DPF3: variants seen among roughly 807,000 people sequenced by gnomAD.
The protein encoded by DPF3 is double PHD fingers 3, also known as zinc finger protein DPF3.
Under a neutral mutation model 56.8 loss-of-function variants are expected in DPF3, and 18 were observed. The ratio of observed to expected loss-of-function variants is 0.32; its 90% CI spans 0.22 to 0.47. The LOEUF (loss-of-function observed/expected upper bound fraction) is 0.47, where lower values mean the gene tolerates loss of function less well. Among genes scored for constraint, DPF3 ranks in the 20% least tolerant of loss-of-function variants. The pLI is 1.00. For missense variants in DPF3, 403 were observed against 488.8 expected (o/e 0.82, Z 1.65); for synonymous variants, 188 against 180.2 (o/e 1.04, Z -0.35).
chr14:72,810,045 G>C (rs1265697561), intron 1 of DPF3, among the ~76,000 whole-genome samples: 1 of 152,224 alleles, frequency 6.6e-6, no homozygotes, highest in Admixed American at 6.5e-5. Context: ...ATCTATAAGA[G>C]AAGATCCCCT....
intron 1 of DPF3, among the ~76,000 whole-genome samples, chr14:72,861,026 TACACACACACACACACACACACACAC>T (rs10570653): frequency 6.8e-6 from 1 of 147,864 alleles, no homozygotes; most frequent in African/African-American, 2.5e-5. Flanking sequence ...GTTCTCACTA[TACACACACACACACACACACACACAC>T]ACACACACAC....
At chr14:72,717,218 A>G (rs182077909) in intron 5 of DPF3, among the ~76,000 whole-genome samples, 50 of 152,322 alleles carry the variant, frequency 3.3e-4, no homozygotes, top group Middle Eastern at 3.4e-3. Flanking sequence ...CTCTTGCCAC[A>G]CTAAGGAGTG....
chr14:72,851,765 G>T (rs61986332), intron 1 of DPF3, among the ~76,000 whole-genome samples: 6,285 of 152,300 alleles, frequency 0.041, 191 homozygotes, highest in Non-Finnish European at 0.068. Context: ...TCCACTCGAG[G>T]ATCTGTTCCT....
chr14:72,730,646 A>G (rs748493002), intron 4 of DPF3, among the ~76,000 whole-genome samples: 10 of 151,718 alleles, frequency 6.6e-5, no homozygotes, highest in Admixed American at 1.3e-4. Flanking sequence ...TAATAAATTA[A>G]TATATAAATT....
At chr14:72,836,748 C>T (rs1024824318) in intron 1 of DPF3, among the ~76,000 whole-genome samples, 1 of 152,006 alleles carries the variant, frequency 6.6e-6, no homozygotes, top group African/African-American at 2.4e-5. Flanking sequence ...TCAAGCTGGT[C>T]AATCTACTCC....
chr14:72,833,436 A>C (rs1278119384), intron 1 of DPF3, among the ~76,000 whole-genome samples: 1 of 152,192 alleles, frequency 6.6e-6, no homozygotes, highest in Non-Finnish European at 1.5e-5. Flanking sequence ...CTCCAGAAAG[A>C]AGCCCAGGAT....
At chr14:72,816,986 C>G (rs576085000) in intron 1 of DPF3, among the ~76,000 whole-genome samples, 33 of 152,322 alleles carry the variant, frequency 2.2e-4, no homozygotes, top group Admixed American at 9.1e-4. Flanking sequence ...CATCTGCCCC[C>G]CTCTGAAGCT....
intron 1 of DPF3, among the ~76,000 whole-genome samples, chr14:72,887,139 C>G (rs565045556): frequency 3.4e-5 from 5 of 147,618 alleles, no homozygotes; most frequent in African/African-American, 1.2e-4. Flanking sequence ...AATTGGTTAC[C>G]CTTCTGCCTC....
intron 6 of DPF3, among the ~76,000 whole-genome samples, chr14:72,708,250 T>C (rs1599373993): frequency 1.3e-5 from 2 of 152,352 alleles, no homozygotes; most frequent in Admixed American, 1.3e-4. Context: ...GCCCTGCCTC[T>C]GGCCAGTCCT....
chr14:72,835,096 C>T (rs202075571), intron 1 of DPF3, among the ~76,000 whole-genome samples: 7,046 of 38,054 alleles, frequency 0.19, 238 homozygotes, highest in Non-Finnish European at 0.26. Flanking sequence ...TTTCTTTTTT[C>T]TTTTTCTGTC....
Position 72,708,343 on chromosome 14 carries a change from C to CA in DPF3, c.604+6079dup, listed in dbSNP as rs147566801. On this transcript the variant is annotated intron_variant, in intron 6 of 10. Coordinates refer to ENST00000556509, the MANE Select transcript of DPF3 (RefSeq NM_001280542.3). ...CCCAGCTTTGCTGGAACGGCGCACT[C>CA]AGTCTCCAGGGATCAATCCCATGCC... 8.3e-4 allele frequency among the ~76,000 whole-genome samples: 126 copies of CA among 152,334 alleles called. 2 individuals are homozygous for CA. Among genetic ancestry groups the CA allele is most frequent in the East Asian group, 5.8e-3 (30 of 5,180 alleles).
intron 1 of DPF3, among the ~76,000 whole-genome samples, chr14:72,877,295 C>T (rs1455949745): frequency 2.6e-5 from 4 of 152,152 alleles, no homozygotes; most frequent in Admixed American, 2.6e-4. Context: ...GCTGCCGGCT[C>T]TGAGTTTTGG....
chr14:72,843,441 T>G (rs186902921), intron 1 of DPF3, among the ~76,000 whole-genome samples: 23 of 152,304 alleles, frequency 1.5e-4, no homozygotes, highest in Non-Finnish European at 2.4e-4. Context: ...GGTGACAAAA[T>G]GGAAGCCAGA....
intron 6 of DPF3, among the ~76,000 whole-genome samples, chr14:72,694,802 T>C (rs552234647): frequency 1.3e-5 from 2 of 152,356 alleles, no homozygotes; most frequent in East Asian, 3.9e-4. Context: ...TTACCAAATT[T>C]AAGTAGTTCT....
intron 2 of DPF3, among the ~76,000 whole-genome samples, chr14:72,762,247 T>C (rs1441888490): frequency 2.0e-5 from 3 of 151,822 alleles, no homozygotes; most frequent in African/African-American, 7.2e-5. Context: ...AAGAAAACTA[T>C]AGACTAATAT....
chr14:72,706,703 T>C (rs1217786906), intron 6 of DPF3, among the ~76,000 whole-genome samples: 8 of 152,136 alleles, frequency 5.3e-5, no homozygotes, highest in Admixed American at 5.2e-4. Flanking sequence ...CTCCCCACCA[T>C]GACTCAAAAT....
chr14:72,866,481 G>A (rs1247978476), intron 1 of DPF3, among the ~76,000 whole-genome samples: 1 of 150,638 alleles, frequency 6.6e-6, no homozygotes, highest in Non-Finnish European at 1.5e-5. Context: ...ACAGGCTCAG[G>A]TACCCGCCTC....
At chr14:72,667,113 T>C (rs1886474753) in intron 8 of DPF3, among the ~76,000 whole-genome samples, 1 of 152,194 alleles carries the variant, frequency 6.6e-6, no homozygotes. Context: ...AGGGATGCTA[T>C]TGATGTGAAC....
chr14:72,758,531 T>C (rs1567223669), intron 2 of DPF3, among the ~76,000 whole-genome samples: 2 of 152,080 alleles, frequency 1.3e-5, no homozygotes, highest in African/African-American at 4.8e-5. Context: ...GAGGGTCCCT[T>C]TCAAGTATTC....
Sources: gnomAD v4.1 joint callset for allele counts (sites outside exome capture counted in the v4.1 genomes callset) on GRCh38, gnomAD v4.1.1 for gene constraint, MANE v1.5 for transcripts, NCBI Gene and HGNC (gene_info 2026-07-23, HGNC 2026-07-21) for gene names.